ERBB4: variants seen among roughly 807,000 people sequenced by gnomAD.
ERBB4 encodes the protein erb-b2 receptor tyrosine kinase 4, also known as receptor tyrosine-protein kinase erbB-4.
ERBB4 carries 42 observed loss-of-function variants against 158.0 expected under a neutral mutation model. That is an observed-to-expected ratio of 0.27 (90% confidence interval 0.21 to 0.34). The LOEUF is 0.34. ERBB4 is among the 10% of genes least tolerant of loss of function. The pLI is 1.00. For missense variants in ERBB4, 1,333 were observed against 1,624.1 expected, an observed-to-expected ratio of 0.82 and a Z score of 3.08; for synonymous variants, 583 against 558.7, an observed-to-expected ratio of 1.04 and a Z score of -0.61.
At chr2:212,039,548 AC>A (rs1258317574) in intron 2 of ERBB4, among the ~76,000 whole-genome samples, 1 of 152,160 alleles carries the variant, frequency 6.6e-6, no homozygotes, top group Non-Finnish European at 1.5e-5. Context: ...ACTTTTGAGA[AC>A]TTCTTATTAA....
At chr2:211,615,673 T>C (rs192642140) in intron 19 of ERBB4, among the ~76,000 whole-genome samples, 14 of 152,182 alleles carry the variant, frequency 9.2e-5, no homozygotes, top group African/African-American at 3.4e-4. Context: ...TTGCCTATGG[T>C]AAAAATTCTA....
chr2:211,744,604 A>G (rs993200998), intron 5 of ERBB4, among the ~76,000 whole-genome samples: 1 of 152,054 alleles, frequency 6.6e-6, no homozygotes, highest in Admixed American at 6.6e-5. Flanking sequence ...TCACCCTAAC[A>G]AGTCATTCAT....
chr2:212,466,098 A>G (rs1688820068), intron 1 of ERBB4, among the ~76,000 whole-genome samples: 1 of 152,224 alleles, frequency 6.6e-6, no homozygotes, highest in South Asian at 2.1e-4. Context: ...GTTTTACACC[A>G]ATATTCAAGA....
At chr2:211,785,891 A>C (rs1012508700) in intron 4 of ERBB4, among the ~76,000 whole-genome samples, 2 of 152,142 alleles carry the variant, frequency 1.3e-5, no homozygotes, top group Non-Finnish European at 2.9e-5. Context: ...CTATGCATTC[A>C]TGAATTAAAG....
chr2:212,188,002 A>G (rs1223428223), intron 1 of ERBB4, among the ~76,000 whole-genome samples: 1 of 152,134 alleles, frequency 6.6e-6, no homozygotes, highest in Non-Finnish European at 1.5e-5. Flanking sequence ...ATATATCCTC[A>G]CAATATCGTA....
chr2:211,941,877 T>C (rs2080509117), intron 3 of ERBB4, among the ~76,000 whole-genome samples: 1 of 152,112 alleles, frequency 6.6e-6, no homozygotes, highest in South Asian at 2.1e-4. Context: ...ACACTAAGAT[T>C]TCTAAACACC....
chr2:212,192,022 TTA>T (rs767324608), intron 1 of ERBB4, among the ~76,000 whole-genome samples: 18,081 of 50,238 alleles, frequency 0.36, 1,607 homozygotes, highest in Non-Finnish European at 0.44. Flanking sequence ...ATGTTATATG[TTA>T]TATATGTTAT....
chr2:211,388,941 G>A lies in ERBB4; in HGVS notation c.3136-949C>T, dbSNP rs2062743267. Among the ~76,000 whole-genome samples, 2 of 152,198 alleles carry A rather than the reference G, an allele frequency of 1.3e-5. 1 individual carries two copies. Reference sequence around the variant, plus strand: ...ATAATGCAAAACACAGACCCAAATCGCTTGATTTTATGAAGCTTATATTCT... The same window carrying A: ...ATAATGCAAAACACAGACCCAAATCACTTGATTTTATGAAGCTTATATTCT... On this transcript the variant is annotated intron_variant, in intron 25 of 27. Transcript: ENST00000342788.
At chr2:211,410,648 T>A in intron 25 of ERBB4, among the ~76,000 whole-genome samples, 1 of 152,316 alleles carries the variant, frequency 6.6e-6, no homozygotes, top group East Asian at 1.9e-4. Flanking sequence ...GTGATTTGTA[T>A]GATACCTGGA....
At chr2:212,279,790 G>A (rs747874074) in intron 1 of ERBB4, among the ~76,000 whole-genome samples, 2 of 151,270 alleles carry the variant, frequency 1.3e-5, no homozygotes, top group African/African-American at 2.4e-5. Context: ...AAATTCCAAC[G>A]TCGTGAATGT....
At chr2:212,195,674 T>C (rs1255618216) in intron 1 of ERBB4, among the ~76,000 whole-genome samples, 4 of 152,008 alleles carry the variant, frequency 2.6e-5, no homozygotes, top group Admixed American at 1.3e-4. Context: ...CACATTAACT[T>C]TATATAATAA....
chr2:211,824,782 T>G (rs1314749146), intron 3 of ERBB4, among the ~76,000 whole-genome samples: 4 of 151,966 alleles, frequency 2.6e-5, no homozygotes, highest in Non-Finnish European at 5.9e-5. Context: ...TAATTTTACG[T>G]TATTTTTCCT....
At chr2:211,923,840 A>C (rs946020560) in intron 3 of ERBB4, among the ~76,000 whole-genome samples, 2 of 152,090 alleles carry the variant, frequency 1.3e-5, no homozygotes, top group Non-Finnish European at 2.9e-5. Flanking sequence ...CTCCTGCCTC[A>C]GCCTCCCAAG....
intron 19 of ERBB4, among the ~76,000 whole-genome samples, chr2:211,599,315 T>C (rs533674157): frequency 5.3e-5 from 8 of 152,286 alleles, no homozygotes; most frequent in African/African-American, 1.9e-4. Context: ...AAAGGATCCA[T>C]AGCTTTCATC....
intron 1 of ERBB4, among the ~76,000 whole-genome samples, chr2:212,149,411 T>C (rs368386779): frequency 1.3e-5 from 2 of 152,124 alleles, no homozygotes; most frequent in African/African-American, 4.8e-5. Flanking sequence ...AAATGGGTTA[T>C]AAAGAGTTAA....
intron 2 of ERBB4, among the ~76,000 whole-genome samples, chr2:212,011,108 A>G (rs949445269): frequency 7.2e-5 from 11 of 152,306 alleles, no homozygotes; most frequent in Admixed American, 7.2e-4. Flanking sequence ...AGCTAACACA[A>G]TTATCACAGT....
At chr2:211,452,054 C>T (rs2064258888) in intron 20 of ERBB4, among the ~76,000 whole-genome samples, 1 of 152,096 alleles carries the variant, frequency 6.6e-6, no homozygotes, top group Non-Finnish European at 1.5e-5. Flanking sequence ...ACATTCCTTC[C>T]AAGAAATAGC....
At position 211,465,401 on chromosome 2, in the gene ERBB4, C is replaced by T. The variant is rs560883359; in HGVS notation, c.2488-34301G>A. Among the ~76,000 whole-genome samples the T allele has an allele frequency of 3.7e-4, 55 of 150,346 alleles. 1 individual carries two copies. The highest frequency in any genetic ancestry group is 1.3e-3 in the African/African-American group (53 of 41,272). On this transcript the variant is annotated intron_variant, in intron 20 of 27. Coordinates refer to ENST00000342788, the MANE Select transcript of ERBB4 (RefSeq NM_005235.3). ...CTAAGTTTTGGGATGAATTTTAATG[C>T]GGCAACAGAAAATTGAAATCCCTGG...
intron 1 of ERBB4, among the ~76,000 whole-genome samples, chr2:212,482,753 A>T (rs889823685): frequency 2.6e-5 from 4 of 152,204 alleles, no homozygotes; most frequent in Admixed American, 2.0e-4. Context: ...AGTAGCTGGG[A>T]CTATAGGCAT....
Sources: gnomAD v4.1 joint callset for allele counts (sites outside exome capture counted in the v4.1 genomes callset) on GRCh38, gnomAD v4.1.1 for gene constraint, MANE v1.5 for transcripts, NCBI Gene and HGNC (gene_info 2026-07-23, HGNC 2026-07-21) for gene names.